The following CDH23 variants were observed in gnomAD, a reference collection of about 807,000 sequenced individuals.
CDH23 encodes cadherin related 23.
A neutral mutation model predicts 317.1 loss-of-function variants in CDH23; 189 were observed. The observed-to-expected ratio is 0.60, with a 90% CI of 0.53 to 0.67. The LOEUF is 0.67. Ranked by LOEUF, CDH23 falls within the 30% of genes least tolerant of loss-of-function variation. CDH23 has a pLI of 0.00. For synonymous variants in CDH23, 1,839 were observed against 1,876.8 expected (o/e 0.98, Z 0.52); for missense variants, 4,401 against 4,592.4 (o/e 0.96, Z 1.20).
intron 1 of CDH23, among the ~76,000 whole-genome samples, chr10:71,429,684 A>G (rs1849278394): frequency 6.6e-6 from 1 of 152,228 alleles, no homozygotes; most frequent in Non-Finnish European, 1.5e-5. Flanking sequence ...AAAAGAAGGT[A>G]TCGTGACTGA....
intron 3 of CDH23, among the ~76,000 whole-genome samples, chr10:71,447,393 G>A (rs1350673437): frequency 6.6e-6 from 1 of 152,098 alleles, no homozygotes; most frequent in Non-Finnish European, 1.5e-5. Context: ...TGCCTTACGC[G>A]GGCCCAGACT....
chr10:71,425,232 GGAGAGA>G (rs748338206), intron 1 of CDH23, among the ~76,000 whole-genome samples: 1,002 of 73,910 alleles, frequency 0.014, 11 homozygotes, highest in East Asian at 0.1. Context: ...AGAGAGAGAG[GGAGAGA>G]GAGAGAGAGA....
At chr10:71,739,064 T>C (rs976375407) in intron 35 of CDH23, among the ~76,000 whole-genome samples, 4 of 152,194 alleles carry the variant, frequency 2.6e-5, no homozygotes, top group African/African-American at 9.7e-5. Context: ...AACCCGCCAG[T>C]GTTCACACAG....
chr10:71,590,776 G>A (rs1287477801), intron 9 of CDH23, among the ~76,000 whole-genome samples: 1 of 150,310 alleles, frequency 6.7e-6, no homozygotes, highest in African/African-American at 2.5e-5. Flanking sequence ...TGAGATGGGA[G>A]AATCACTTGA....
At chr10:71,788,750 C>T (rs776631873) in intron 44 of CDH23, among the ~76,000 whole-genome samples, 190 bp from the exon 45 acceptor site, 9 of 152,180 alleles carry the variant, frequency 5.9e-5, no homozygotes, top group East Asian at 1.9e-4. Context: ...CCACTGCACC[C>T]GGCCACATTT....
intron 9 of CDH23, among the ~76,000 whole-genome samples, chr10:71,583,056 C>T (rs894893076): frequency 7.9e-5 from 12 of 152,136 alleles, no homozygotes; most frequent in African/African-American, 2.4e-4. Context: ...ATCCACTCAA[C>T]GCAGGGTGGG....
chr10:71,801,666 A>ACTTCTC (rs1841562074), intron 53 of CDH23, among the ~76,000 whole-genome samples: 1 of 151,954 alleles, frequency 6.6e-6, no homozygotes, highest in African/African-American at 2.4e-5. Flanking sequence ...TGCAGTACTC[A>ACTTCTC]CTTCTCCCTC....
intron 3 of CDH23, among the ~76,000 whole-genome samples, chr10:71,483,922 C>A (rs888718819): frequency 7.2e-5 from 11 of 152,170 alleles, no homozygotes; most frequent in Admixed American, 7.2e-4. Context: ...ACACACATGC[C>A]CCCTCACATG....
intron 1 of CDH23, among the ~76,000 whole-genome samples, chr10:71,401,760 C>T (rs1051715490): frequency 2.0e-5 from 3 of 152,038 alleles, no homozygotes; most frequent in Non-Finnish European, 2.9e-5. Flanking sequence ...TGGTTATTCC[C>T]GGGGGCATAA....
At chr10:71,569,569 G>A (rs1026640062) in intron 7 of CDH23, among the ~76,000 whole-genome samples, 3 of 152,206 alleles carry the variant, frequency 2.0e-5, no homozygotes, top group East Asian at 1.9e-4. Flanking sequence ...TTAAGAGACC[G>A]AACTGATGTT....
chr10:71,707,192 G>T (rs1865826000), intron 26 of CDH23, 143 bp downstream of exon 26: 1 of 1,517,440 alleles, frequency 6.6e-7, no homozygotes, highest in Admixed American at 2.0e-5. Context: ...GCCTCTGGTG[G>T]TGCCTCCCGA....
intron 11 of CDH23, among the ~76,000 whole-genome samples, chr10:71,629,826 A>C (rs1159832635): frequency 2.0e-5 from 3 of 152,092 alleles, no homozygotes; most frequent in African/African-American, 7.2e-5. Flanking sequence ...GGGGGAGAGA[A>C]ATGGGGAGTG....
chr10:71,799,372 G>GC (rs1201221708), intron 51 of CDH23, 92 bp downstream of exon 51: 6 of 1,605,914 alleles, frequency 3.7e-6, no homozygotes, highest in Non-Finnish European at 5.1e-6. Context: ...CAGCCTCTAA[G>GC]CCCCCTGGGA....
chr10:71,645,984 A>C lies in CDH23; in HGVS notation c.1290+4A>C. 1 of 1,610,692 alleles carries C rather than the reference A, an allele frequency of 6.2e-7. No homozygotes were observed. On this transcript the variant is annotated splice_donor_region_variant and intron_variant, in intron 13 of 69. Coordinates refer to ENST00000224721, the MANE Select transcript of CDH23 (RefSeq NM_022124.6). ...CGTGGACCGCTACGACTTTGATGTA[A>C]GGCCCCACTCACTGGCATTTTGGAG...
Position 71,740,808 on chromosome 10 carries a change from C to T in CDH23, c.4489-14C>T, listed in dbSNP as rs1468190313. 19 of 1,613,572 alleles carry T rather than the reference C, an allele frequency of 1.2e-5. No homozygotes were observed. Among genetic ancestry groups the T allele is most frequent in the Middle Eastern group, 1.6e-4 (1 of 6,084 alleles). On this transcript the variant is annotated splice_polypyrimidine_tract_variant and intron_variant, in intron 36 of 69. Coordinates refer to ENST00000224721, the MANE Select transcript of CDH23 (RefSeq NM_022124.6). ...ACGCTTTAGCCCTGACTCCAGTTGC[C>T]CTCCTCCTTGCAGGTTGTGGCTTCT...
intron 28 of CDH23, among the ~76,000 whole-genome samples, chr10:71,719,978 G>A (rs1367728655): frequency 6.6e-6 from 1 of 152,246 alleles, no homozygotes; most frequent in African/African-American, 2.4e-5. Flanking sequence ...CCTCTCAGGG[G>A]TGGAAGACTC....
At chr10:71,679,316 CAG>C in intron 16 of CDH23, 69 bp from the exon 17 acceptor site, 8 of 730,472 alleles carry the variant, frequency 1.1e-5, no homozygotes, top group Non-Finnish European at 7.2e-6. Context: ...CCCACCCTCC[CAG>C]CTGCCCACCC....
At chr10:71,532,007 C>T (rs1855399245) in intron 6 of CDH23, among the ~76,000 whole-genome samples, 2 of 152,256 alleles carry the variant, frequency 1.3e-5, no homozygotes, top group South Asian at 4.1e-4. Flanking sequence ...GGGAAACTAC[C>T]AGCCAGCTCC....
chr10:71,508,430 C>T (rs1168671535), intron 3 of CDH23: 1 of 152,194 alleles, frequency 6.6e-6, no homozygotes, highest in Non-Finnish European at 1.5e-5. Context: ...TGGTAATCAC[C>T]TCATCACTCT....
Sources: allele counts gnomAD v4.1 joint callset (sites outside exome capture counted in the v4.1 genomes callset), GRCh38; gene constraint gnomAD v4.1.1; transcripts MANE v1.5; gene names NCBI Gene and HGNC (gene_info 2026-07-23, HGNC 2026-07-21).